Variants in UBE2D4 observed in about 807,000 individuals in gnomAD.
UBE2D4 encodes ubiquitin conjugating enzyme E2 D4.
UBE2D4 carries 17 observed loss-of-function variants against 23.0 expected under a neutral mutation model. That is an observed-to-expected ratio of 0.74 (90% CI 0.51 to 1.11). The LOEUF (loss-of-function observed/expected upper bound fraction) is 1.11, where lower values mean the gene tolerates loss of function less well. Among genes scored for constraint, UBE2D4 ranks in the 50% least tolerant of loss-of-function variants. The pLI is 0.00. For missense variants in UBE2D4, 139 were observed against 181.8 expected (o/e 0.76, Z 1.35); for synonymous variants, 61 against 69.4 (o/e 0.88, Z 0.60).
At chr7:43,929,195 CG>C (rs2095940128) in intron 1 of UBE2D4, among the ~76,000 whole-genome samples, 1 of 152,018 alleles carries the variant, frequency 6.6e-6, no homozygotes, top group Non-Finnish European at 1.5e-5. Flanking sequence ...GAGGCCAAGG[CG>C]GGTGTATCAT....
chr7:43,950,791 C>A, intron 6 of UBE2D4, 99 bp downstream of exon 6: 1 of 961,202 alleles, frequency 1.0e-6, no homozygotes, highest in Non-Finnish European at 1.6e-6. Flanking sequence ...TGCAGGTTCC[C>A]ACAGACATCT....
At chr7:43,927,391 CA>C (rs2095934556) in intron 1 of UBE2D4, among the ~76,000 whole-genome samples, 1 of 150,554 alleles carries the variant, frequency 6.6e-6, no homozygotes, top group South Asian at 2.1e-4. Flanking sequence ...TGGCTCACTG[CA>C]GCCTCAACCT....
chr7:43,938,494 T>C lies in UBE2D4; in HGVS notation c.88T>C (p.Leu30=). 1 of 1,614,022 alleles carries C rather than the reference T, an allele frequency of 6.2e-7. No homozygotes were observed. The highest frequency in any genetic ancestry group is 8.5e-7 in the Non-Finnish European group (1 of 1,179,898). Reference sequence around the variant, plus strand: ...TTCTGCAGGACCTGTCGGTGATGACTGTAAGTATTTTGGGGGGCTTCAAGT... The same window carrying C: ...TTCTGCAGGACCTGTCGGTGATGACCGTAAGTATTTTGGGGGGCTTCAAGT... ...QCSAGPVGDD[L]FHWQATIMGP... The change falls in exon 2 of 7, where the codon TTG becomes CTG. Residue 30 remains leucine, a splice_region_variant and synonymous_variant. Coordinates refer to ENST00000222402, the MANE Select transcript of UBE2D4 (RefSeq NM_015983.4).
rs1012141067 is a variant in UBE2D4 at position 43,952,958 on chromosome 7, C to G, written c.*263C>G. The stretch of plus-strand genomic sequence containing the variant: ...TTCCTGGTGACACTGGAATCTCTCT[C>G]TCTGCCGCCTCAGTTTGTCTGCTGG... On this transcript the variant is annotated 3_prime_UTR_variant, in exon 7 of 7. Transcript: ENST00000222402. 7.0e-6 allele frequency: 3 copies of G among 428,042 alleles called. No homozygotes were observed. Among genetic ancestry groups the G allele is most frequent in the East Asian group, 1.0e-4 (2 of 19,900 alleles). 26.5% of individuals were successfully genotyped at this position (428,042 alleles called of 1,614,324 possible).
Position 43,952,312 on chromosome 7 carries a change from T to TTGTG in UBE2D4, c.399-334_399-331dup. 1.1e-5 allele frequency: 3 copies of TTGTG among 271,502 alleles called. No homozygotes were observed. In the Admixed American group the frequency reaches 1.3e-4, roughly 12 times the overall value. The allele number at this position is 271,502 out of a possible 1,614,324, so 16.8% of individuals were successfully genotyped here. A position where few individuals can be genotyped will look rare whatever the true frequency, so the allele number is the denominator to read the frequency against. On this transcript the variant is annotated intron_variant, in intron 6 of 6. Coordinates refer to ENST00000222402, the MANE Select transcript of UBE2D4 (RefSeq NM_015983.4). Reference sequence around the variant, plus strand: ...GCCTGTAACTAGTACAAACTGACCTTTGTGTGTCTCTTCTCTGTCCTCCCT... The same window carrying TTGTG: ...GCCTGTAACTAGTACAAACTGACCTTTGTGTGTGTGTCTCTTCTCTGTCCTCCCT...
chr7:43,927,924 G>A (rs985368744), intron 1 of UBE2D4: 3 of 407,274 alleles, frequency 7.4e-6, no homozygotes, highest in African/African-American at 4.1e-5. Context: ...TACGAACTGT[G>A]TATTAGTCTG....
At position 43,953,508 on chromosome 7, in the gene UBE2D4, A is replaced by G. The variant is rs1179554576; in HGVS notation, c.*813A>G. 4.1e-6 allele frequency: 1 copy of G among 243,358 alleles called. No homozygotes were observed. Among genetic ancestry groups the G allele is most frequent in the Non-Finnish European group, 8.2e-6 (1 of 121,686 alleles). 15.1% of individuals were successfully genotyped at this position (243,358 alleles called of 1,614,324 possible). On this transcript the variant is annotated 3_prime_UTR_variant, in exon 7 of 7. Transcript: ENST00000222402. ...GTGTGAGCCATTCACAGACTAGAAC[A>G]CAAGGAGGGAGAGAGACTCTTAAAC...
At chr7:43,933,083 A>G (rs984991062) in intron 1 of UBE2D4, among the ~76,000 whole-genome samples, 3 of 147,792 alleles carry the variant, frequency 2.0e-5, no homozygotes, top group African/African-American at 4.9e-5. Flanking sequence ...ATATATACAC[A>G]TATGTATGTG....
intron 1 of UBE2D4, chr7:43,928,129 A>G (rs1367285230): frequency 4.7e-6 from 2 of 429,944 alleles, no homozygotes; most frequent in African/African-American, 4.1e-5. Flanking sequence ...AGGGAGCAAG[A>G]GAGATGCCAC....
rs1174305842 is a variant in UBE2D4 at position 43,952,650 on chromosome 7, G to A, written c.399G>A (p.Lys133=). ...IAHTYKADRE[K]YNRLAREWTQ... The stretch of plus-strand genomic sequence containing the variant: ...CACTTCCTCTGCTTTTTTATTCCAG[G>A]TACAACAGACTAGCAAGAGAGTGGA... The change falls in exon 7 of 7, where the codon AAG becomes AAA. Residue 133 remains lysine, a splice_region_variant and synonymous_variant. Transcript: ENST00000222402. The A allele has an allele frequency of 3.7e-6, 6 of 1,613,510 alleles. No homozygotes were observed. In the African/African-American group the frequency reaches 6.7e-5, roughly 18 times the overall value.
chr7:43,935,527 A>G (rs1218934108), intron 1 of UBE2D4, among the ~76,000 whole-genome samples: 2 of 152,154 alleles, frequency 1.3e-5, no homozygotes, highest in African/African-American at 4.8e-5. Flanking sequence ...CTAAAGGAAC[A>G]TAAGCAATAT....
chr7:43,941,259 T>A (rs1450356720), intron 2 of UBE2D4: 1 of 152,132 alleles, frequency 6.6e-6, no homozygotes, highest in Non-Finnish European at 1.5e-5. Context: ...CTCCTGTGGG[T>A]GAGTAGGCAT....
In UBE2D4 at chr7:43,953,156, C is replaced by T. The variant is rs1288693482; in HGVS notation, c.*461C>T. The T allele has an allele frequency of 4.4e-6, 2 of 456,848 alleles. No individual in the cohort carries two copies. The highest frequency in any genetic ancestry group is 8.8e-6 in the Non-Finnish European group (2 of 227,038). The allele number at this position is 456,848 out of a possible 1,614,324, so 28.3% of individuals were successfully genotyped here. A position where few individuals can be genotyped will look rare whatever the true frequency, so the allele number is the denominator to read the frequency against. ...GGCAGAGCAGGCTTTGTTCGCACCT[C>T]ATCTGCTGCAGAACCACATCCTGAG... On this transcript the variant is annotated 3_prime_UTR_variant, in exon 7 of 7. Transcript: ENST00000222402.
At chr7:43,951,440 T>C (rs1229307510) in intron 6 of UBE2D4, among the ~76,000 whole-genome samples, 2 of 152,260 alleles carry the variant, frequency 1.3e-5, no homozygotes, top group African/African-American at 4.8e-5. Flanking sequence ...AAGGTATTGC[T>C]AGCCCTTTTA....
rs1268357236 is a variant in UBE2D4, at chr7:43,926,493, G to T, written c.-40G>T. 6.7e-7 allele frequency: 1 copy of T among 1,483,928 alleles called. No homozygotes were observed. The highest frequency in any genetic ancestry group is 1.3e-5 in the South Asian group (1 of 77,458). The allele number at this position is 1,483,928 out of a possible 1,614,324, so 91.9% of individuals were successfully genotyped here. ...AGCCGGCAGCGGGCCGCCTCAGGCA[G>T]CCCCGGCCGGGCCGCCCGGGTCCCC... On this transcript the variant is annotated 5_prime_UTR_variant, in exon 1 of 7. Transcript: ENST00000222402.
At chr7:43,951,054 C>T (rs1309682415) in intron 6 of UBE2D4, among the ~76,000 whole-genome samples, 1 of 152,198 alleles carries the variant, frequency 6.6e-6, no homozygotes. Flanking sequence ...GATTTAAATT[C>T]TAGGGTTTAT....
intron 2 of UBE2D4, among the ~76,000 whole-genome samples, chr7:43,940,715 C>G (rs1398388075): frequency 1.3e-5 from 2 of 152,124 alleles, no homozygotes; most frequent in African/African-American, 4.8e-5. Flanking sequence ...TGCTTAGTGT[C>G]CCAGCAGCCC....
rs79745948 is a variant in UBE2D4 at position 43,936,509 on chromosome 7, A to G, written c.25-1922A>G. 8.3e-3 allele frequency among the ~76,000 whole-genome samples: 1,271 copies of G among 152,300 alleles called. 18 individuals are homozygous for G. Among genetic ancestry groups the G allele is most frequent in the African/African-American group, 0.029 (1,202 of 41,572 alleles). Reference sequence around the variant, plus strand: ...TAATAAAATATTTATATATTTAATGATTTGGTAATAAATTCCCATGGTTCA... The same window carrying G: ...TAATAAAATATTTATATATTTAATGGTTTGGTAATAAATTCCCATGGTTCA... On this transcript the variant is annotated intron_variant, in intron 1 of 6. Transcript: ENST00000222402.
rs542102004 is a variant in UBE2D4 at position 43,955,618 on chromosome 7, G to A, written c.*2923G>A. On this transcript the variant is annotated 3_prime_UTR_variant, in exon 7 of 7. Coordinates refer to ENST00000222402, the MANE Select transcript of UBE2D4 (RefSeq NM_015983.4). ...GTATGTTTCTGTCTCTGAAATTCGGGAAAAAGCCTTAAGTGCCAGAGAAGG... is the reference window on the plus strand; with the variant it reads ...GTATGTTTCTGTCTCTGAAATTCGGAAAAAAGCCTTAAGTGCCAGAGAAGG... The A allele has an allele frequency of 1.3e-5, 2 of 152,258 alleles. No homozygotes were observed. The highest frequency in any genetic ancestry group is 4.1e-4 in the South Asian group (2 of 4,820). 9.4% of individuals were successfully genotyped at this position (152,258 alleles called of 1,614,324 possible). A position where few individuals can be genotyped will look rare whatever the true frequency, so the allele number is the denominator to read the frequency against.
Sources: gnomAD v4.1 joint callset for allele counts (sites outside exome capture counted in the v4.1 genomes callset) on GRCh38, gnomAD v4.1.1 for gene constraint, MANE v1.5 for transcripts, NCBI Gene and HGNC (gene_info 2026-07-23, HGNC 2026-07-21) for gene names.